C1orf232: variants seen among roughly 807,000 people sequenced by gnomAD.
C1orf232 encodes uncharacterized protein C1orf232.
A neutral mutation model predicts 12.1 loss-of-function variants in C1orf232; 10 were observed. The ratio of observed to expected loss-of-function variants is 0.82; its 90% confidence interval spans 0.51 to 1.40. C1orf232 has a LOEUF of 1.40. C1orf232 is among the 40% of genes most tolerant of loss of function. The pLI is 0.00. For missense variants in C1orf232, 88 were observed against 98.4 expected (o/e 0.89, Z 0.45); for synonymous variants, 36 against 39.8 (o/e 0.90, Z 0.36).
chr1:26,167,574 C>T (rs1397005012), intron 1 of C1orf232, among the ~76,000 whole-genome samples: 1 of 152,182 alleles, frequency 6.6e-6, no homozygotes. Flanking sequence ...ATCCACCCTC[C>T]GTGGCCTTCC....
In C1orf232 at chr1:26,165,817, CGCACATACTGGTCA is replaced by C. The variant is rs1231598380; in HGVS notation, c.261_266+8del. ...CTTCCAGAACCACCACAAACACACA[CGCACATACTGGTCA>C]GCGCAAGGCTCTGATGGCAGCAGCT... On this transcript the variant is annotated splice_donor_variant and splice_donor_5th_base_variant and coding_sequence_variant and intron_variant, in exon 3 of 4. Coordinates refer to ENST00000634842, the MANE Select transcript of C1orf232 (RefSeq NM_001364669.2). LOFTEE classifies it high-confidence loss of function. 1.6e-6 allele frequency: 2 copies of C among 1,231,794 alleles called. No individual in the cohort carries two copies. The highest frequency in any genetic ancestry group is 2.0e-6 in the Non-Finnish European group (2 of 988,056). The allele number at this position is 1,231,794 out of a possible 1,614,324, so 76.3% of individuals were successfully genotyped here. A position where few individuals can be genotyped will look rare whatever the true frequency, so the allele number is the denominator to read the frequency against.
intron 3 of C1orf232, 178 bp downstream of exon 3, chr1:26,165,648 C>CT: frequency 9.0e-7 from 1 of 1,109,122 alleles, no homozygotes; most frequent in Non-Finnish European, 1.1e-6. Flanking sequence ...GAGATTTACC[C>CT]TAATCTCCCA....
chr1:26,164,457 T>TGCGGGAGAGGGCC lies in C1orf232; in HGVS notation c.267-15_267-3dup. Reference sequence around the variant, plus strand: ...GAGGGGGGTCGCGCCGCCAGAGGGCTGCGGGAGAGGGCCGCGGTCAGGGAA... The same window carrying TGCGGGAGAGGGCC: ...GAGGGGGGTCGCGCCGCCAGAGGGCTGCGGGAGAGGGCCGCGGGAGAGGGCCGCGGTCAGGGAA... On this transcript the variant is annotated splice_region_variant and splice_polypyrimidine_tract_variant and intron_variant, in intron 3 of 3. Transcript: ENST00000634842. This position sits in a 1 kb window ranked among gnomAD's most constrained non-coding sequence, Gnocchi z 4.2. The TGCGGGAGAGGGCC allele has an allele frequency of 2.6e-6, 1 of 377,506 alleles. No individual in the cohort carries two copies. Among genetic ancestry groups the TGCGGGAGAGGGCC allele is most frequent in the East Asian group, 3.9e-5 (1 of 25,748 alleles). 23.4% of individuals were successfully genotyped at this position (377,506 alleles called of 1,614,324 possible).
chr1:26,168,507 G>T lies in C1orf232; in HGVS notation c.-8C>A. ...CCAGAAGGCCTGGTTCATGGCTGCA[G>T]GGGGAAGGGGCCTGGCACGCAAGCA... On this transcript the variant is annotated 5_prime_UTR_variant, in exon 1 of 4. In the 5' UTR this introduces an upstream ATG that the reference lacks. Coordinates refer to ENST00000634842, the MANE Select transcript of C1orf232 (RefSeq NM_001364669.2). The T allele has an allele frequency of 8.1e-7, 1 of 1,231,910 alleles. No homozygotes were observed. The highest frequency in any genetic ancestry group is 1.0e-6 in the Non-Finnish European group (1 of 988,080). The allele number at this position is 1,231,910 out of a possible 1,614,324, so 76.3% of individuals were successfully genotyped here. A position where few individuals can be genotyped will look rare whatever the true frequency, so the allele number is the denominator to read the frequency against.
In C1orf232 at chr1:26,168,949, T is replaced by C. The variant is rs1234840165; in HGVS notation, c.-450A>G. Among the ~76,000 whole-genome samples, 2 of 152,202 alleles carry C rather than the reference T, an allele frequency of 1.3e-5. No individual in the cohort carries two copies. Among genetic ancestry groups the C allele is most frequent in the African/African-American group, 4.8e-5 (2 of 41,450 alleles). On this transcript the variant is annotated 5_prime_UTR_variant, in exon 1 of 4. Coordinates refer to ENST00000634842, the MANE Select transcript of C1orf232 (RefSeq NM_001364669.2). ...CAGGGCTCCACCCTGTGTCCCTACT[T>C]AGCCTCAATGAACTGGAGCAGGAAG...
In C1orf232 at chr1:26,164,730, A is replaced by G. The variant is rs1259862904; in HGVS notation, c.267-275T>C. 2.0e-5 allele frequency among the ~76,000 whole-genome samples: 3 copies of G among 152,086 alleles called. No individual in the cohort carries two copies. The highest frequency in any genetic ancestry group is 4.4e-5 in the Non-Finnish European group (3 of 67,996). Reference sequence around the variant, plus strand: ...GATGTGGAGGGAGGGGACCGGGATCAGGATCCCTGGGGAGAGAATGAGGTC... The same window carrying G: ...GATGTGGAGGGAGGGGACCGGGATCGGGATCCCTGGGGAGAGAATGAGGTC... On this transcript the variant is annotated intron_variant, in intron 3 of 3. Coordinates refer to ENST00000634842, the MANE Select transcript of C1orf232 (RefSeq NM_001364669.2). This position sits in a 1 kb window ranked among gnomAD's most constrained non-coding sequence, Gnocchi z 4.2.
chr1:26,166,641 C>G (rs1232198743), intron 1 of C1orf232, among the ~76,000 whole-genome samples: 3 of 152,202 alleles, frequency 2.0e-5, no homozygotes, highest in Admixed American at 2.0e-4. Flanking sequence ...GCACACATAC[C>G]TGCCCACCAC....
Position 26,164,868 on chromosome 1 carries a change from G to A in C1orf232, c.267-413C>T, listed in dbSNP as rs937878532. 6.6e-6 allele frequency among the ~76,000 whole-genome samples: 1 copy of A among 152,154 alleles called. No individual in the cohort carries two copies. The highest frequency in any genetic ancestry group is 1.5e-5 in the Non-Finnish European group (1 of 68,018). ...CGGGAGGGCTGTTCAGATCCCCCCTGAGGGAAGCCCTGGGGAAAAGAGGCG... is the reference window on the plus strand; with the variant it reads ...CGGGAGGGCTGTTCAGATCCCCCCTAAGGGAAGCCCTGGGGAAAAGAGGCG... On this transcript the variant is annotated intron_variant, in intron 3 of 3. Transcript: ENST00000634842. The surrounding 1 kb of genome is among the most constrained non-coding windows in gnomAD (Gnocchi z 4.2).
At position 26,165,836 on chromosome 1, in the gene C1orf232, A is replaced by T; in HGVS notation, c.256T>A (p.Cys86Ser). The change falls in exon 3 of 4, where the codon TGC (cysteine) becomes AGC (serine). Residue 86 changes from cysteine to serine, a missense_variant. Coordinates refer to ENST00000634842, the MANE Select transcript of C1orf232 (RefSeq NM_001364669.2). ...CACACACGCACATACTGGTCAGCGC[A>T]AGGCTCTGATGGCAGCAGCTTATCT... ...DEDKLLPSEP[C>S]ADHPLAARPP... 3 of 1,231,782 alleles carry T rather than the reference A, an allele frequency of 2.4e-6. No homozygotes were observed. Among genetic ancestry groups the T allele is most frequent in the Non-Finnish European group, 3.0e-6 (3 of 987,994 alleles). 76.3% of individuals were successfully genotyped at this position (1,231,782 alleles called of 1,614,324 possible).
rs1569854601 is a variant in C1orf232, at chr1:26,164,260, G to A, written c.462C>T (p.Pro154=). 5.0e-6 allele frequency: 2 copies of A among 398,404 alleles called. No individual in the cohort carries two copies. The highest frequency in any genetic ancestry group is 8.9e-6 in the Non-Finnish European group (2 of 225,908). 24.7% of individuals were successfully genotyped at this position (398,404 alleles called of 1,614,324 possible). ...DEAAEEAAER[P]ESQEAEPVAG... ...CCACCGGCTCGGCCTCCTGCGACTC[G>A]GGGCGCTCTGCGGCCTCCTCCGCGG... is the stretch of plus-strand genomic sequence containing the variant. The change falls in exon 4 of 4, where the codon CCC becomes CCT. Residue 154 remains proline, a synonymous_variant. Coordinates refer to ENST00000634842, the MANE Select transcript of C1orf232 (RefSeq NM_001364669.2). The surrounding 1 kb of genome is among the most constrained non-coding windows in gnomAD (Gnocchi z 4.2).
chr1:26,167,111 C>T (rs762332829), intron 1 of C1orf232, among the ~76,000 whole-genome samples: 2 of 152,232 alleles, frequency 1.3e-5, no homozygotes, highest in African/African-American at 2.4e-5. Context: ...AACCATTCCC[C>T]GCCCCTCTGA....
intron 3 of C1orf232, 170 bp downstream of exon 3, chr1:26,165,656 C>T: frequency 2.6e-6 from 3 of 1,146,010 alleles, no homozygotes; most frequent in Non-Finnish European, 3.3e-6. Flanking sequence ...CCCTAATCTC[C>T]CAGATATGCT....
chr1:26,164,378 G>A lies in C1orf232; in HGVS notation c.344C>T (p.Ala115Val). 1 of 392,274 alleles carries A rather than the reference G, an allele frequency of 2.5e-6. No individual in the cohort carries two copies. Among genetic ancestry groups the A allele is most frequent in the Admixed American group, 4.5e-5 (1 of 22,452 alleles). 24.3% of individuals were successfully genotyped at this position (392,274 alleles called of 1,614,324 possible). Residue 115 changes from alanine to valine, a missense_variant, in exon 4 of 4, where the codon GCC (alanine) becomes GTC (valine). By Grantham distance (64) the Ala-to-Val change is moderately conservative. Transcript: ENST00000634842. This position sits in a 1 kb window ranked among gnomAD's most constrained non-coding sequence, Gnocchi z 4.2. ...ARGPGFWDAF[A>V]SRWQQQQAAA... is the part of the protein sequence containing the mutation. ...GGCCTGCTGCTGCTGCCACCTGCTG[G>A]CGAACGCGTCCCAGAAGCCCGGGCC...
intron 2 of C1orf232, 55 bp downstream of exon 2, chr1:26,165,980 C>A (rs1307318934): frequency 8.1e-7 from 1 of 1,231,570 alleles, no homozygotes; most frequent in African/African-American, 1.6e-5. Flanking sequence ...CAGGACTCCA[C>A]AGAAGCCTCT....
chr1:26,166,884 C>T (rs1233147036), intron 1 of C1orf232, among the ~76,000 whole-genome samples: 1 of 152,208 alleles, frequency 6.6e-6, no homozygotes, highest in African/African-American at 2.4e-5. Context: ...AAAACCTCTC[C>T]ACCCAACCAC....
chr1:26,168,457 G>A lies in C1orf232; in HGVS notation c.43C>T (p.Gln15Ter). The A allele has an allele frequency of 8.1e-7, 1 of 1,231,952 alleles. No individual in the cohort carries two copies. The highest frequency in any genetic ancestry group is 1.0e-6 in the Non-Finnish European group (1 of 988,108). 76.3% of individuals were successfully genotyped at this position (1,231,952 alleles called of 1,614,324 possible). ...FWKTYKSKVL[Q>*]TLSGESEEDL... is the part of the protein sequence containing the mutation. ...TCTTCAGATTCCCCACTCAGGGTCT[G>A]TAGCACTTTGGACTTGTAGGTTTTC... Residue 15 changes from glutamine to a stop codon, truncating the protein, a stop_gained, in exon 1 of 4, where the codon CAG becomes TAG. Transcript: ENST00000634842. LOFTEE classifies it high-confidence loss of function.
Position 26,166,032 on chromosome 1 carries a change from C to T in C1orf232, c.168+3G>A. On this transcript the variant is annotated splice_donor_region_variant and intron_variant, in intron 2 of 3. Transcript: ENST00000634842. ...TTGGGGTGGAAGAAGGGAGAATACT[C>T]ACCCGGCGGGCCAGCTGTGACATGG... 2.4e-6 allele frequency: 3 copies of T among 1,231,740 alleles called. No homozygotes were observed. Among genetic ancestry groups the T allele is most frequent in the East Asian group, 6.3e-5 (2 of 31,692 alleles). The allele number at this position is 1,231,740 out of a possible 1,614,324, so 76.3% of individuals were successfully genotyped here. A position where few individuals can be genotyped will look rare whatever the true frequency, so the allele number is the denominator to read the frequency against.
chr1:26,164,113 G>GT lies in C1orf232; in HGVS notation c.*47dup, dbSNP rs1371312851. On this transcript the variant is annotated 3_prime_UTR_variant, in exon 4 of 4. Transcript: ENST00000634842. This position sits in a 1 kb window ranked among gnomAD's most constrained non-coding sequence, Gnocchi z 4.2. Reference sequence around the variant, plus strand: ...CGGTCACACAGGCTGTCGGGCCAGGGTTTTTTATCAGGGGTGGGAGCAGCG... The same window carrying GT: ...CGGTCACACAGGCTGTCGGGCCAGGGTTTTTTTATCAGGGGTGGGAGCAGCG... 1.3e-5 allele frequency: 5 copies of GT among 397,858 alleles called. No individual in the cohort carries two copies. Among genetic ancestry groups the GT allele is most frequent in the South Asian group, 1.3e-4 (1 of 7,776 alleles). The allele number at this position is 397,858 out of a possible 1,614,324, so 24.6% of individuals were successfully genotyped here. A position where few individuals can be genotyped will look rare whatever the true frequency, so the allele number is the denominator to read the frequency against.
chr1:26,165,974 A>T, intron 2 of C1orf232, 51 bp from the exon 3 acceptor site: 1 of 1,231,416 alleles, frequency 8.1e-7, no homozygotes, highest in African/African-American at 1.6e-5. Context: ...ACCTCCCAGG[A>T]CTCCACAGAA....
Sources: gnomAD v4.1 joint callset for allele counts (sites outside exome capture counted in the v4.1 genomes callset) on GRCh38, gnomAD v4.1.1 for gene constraint, Gnocchi (gnomAD v3.1) non-coding constraint, MANE v1.5 for transcripts, NCBI Gene and HGNC (gene_info 2026-07-23, HGNC 2026-07-21) for gene names.